ADIPOR2: variants seen among roughly 807,000 people sequenced by gnomAD.
The protein encoded by ADIPOR2 is adiponectin receptor 2, also known as adiponectin receptor protein 2.
Under a neutral mutation model 40.9 loss-of-function variants are expected in ADIPOR2, and 18 were observed. The observed-to-expected ratio is 0.44, with a 90% CI of 0.30 to 0.65. ADIPOR2 has a LOEUF of 0.65. ADIPOR2 is among the 30% of genes least tolerant of loss of function. ADIPOR2 has a pLI of 0.09. For synonymous variants in ADIPOR2, 165 were observed against 166.4 expected (o/e 0.99, Z 0.06); for missense variants, 283 against 479.2 (o/e 0.59, Z 3.82).
At chr12:1,738,340 A>T (rs994664370) in intron 1 of ADIPOR2, among the ~76,000 whole-genome samples, 6 of 152,080 alleles carry the variant, frequency 3.9e-5, no homozygotes, top group Non-Finnish European at 7.4e-5. Flanking sequence ...CTGTGATTGC[A>T]CTACTGTGCC....
chr12:1,754,090 T>C (rs1050052920), intron 1 of ADIPOR2, among the ~76,000 whole-genome samples, 168 bp from the exon 2 acceptor site: 5 of 152,216 alleles, frequency 3.3e-5, no homozygotes, highest in African/African-American at 1.2e-4. Context: ...GTTTTTCATT[T>C]AAAAAGAGAT....
chr12:1,691,941 A>G (rs2094628002), intron 1 of ADIPOR2, among the ~76,000 whole-genome samples: 1 of 152,190 alleles, frequency 6.6e-6, no homozygotes, highest in Non-Finnish European at 1.5e-5. Flanking sequence ...AGAAAGATTT[A>G]AATGCACAGT....
At chr12:1,739,185 TAAA>T (rs1001880322) in intron 1 of ADIPOR2, among the ~76,000 whole-genome samples, 2 of 152,184 alleles carry the variant, frequency 1.3e-5, no homozygotes, top group African/African-American at 4.8e-5. Flanking sequence ...GCTCTGAACA[TAAA>T]AAATGATGAA....
chr12:1,701,246 G>T (rs2094649723), intron 1 of ADIPOR2, among the ~76,000 whole-genome samples: 1 of 150,104 alleles, frequency 6.7e-6, no homozygotes, highest in Non-Finnish European at 1.5e-5. Context: ...TCCCACTTCA[G>T]CCTTCCAAGT....
intron 1 of ADIPOR2, among the ~76,000 whole-genome samples, chr12:1,700,358 A>G (rs2094647794): frequency 6.6e-6 from 1 of 152,180 alleles, no homozygotes; most frequent in African/African-American, 2.4e-5. Context: ...CCATGTATCC[A>G]TTCCTTTGGT....
At chr12:1,742,274 G>A (rs1016023766) in intron 1 of ADIPOR2, among the ~76,000 whole-genome samples, 3 of 152,148 alleles carry the variant, frequency 2.0e-5, no homozygotes, top group African/African-American at 7.2e-5. Context: ...TGCATTTTTT[G>A]TAGAGACGGA....
chr12:1,762,549 A>C lies in ADIPOR2; in HGVS notation c.171+8035A>C, dbSNP rs531216147. 6.6e-5 allele frequency among the ~76,000 whole-genome samples: 10 copies of C among 152,306 alleles called. No individual in the cohort carries two copies. In the South Asian group the frequency reaches 1.0e-3, roughly 16 times the overall value. On this transcript the variant is annotated intron_variant, in intron 2 of 7. Coordinates refer to ENST00000357103, the MANE Select transcript of ADIPOR2 (RefSeq NM_024551.3). ...GTAGTTTCTTTAAAGAGATGTACAA[A>C]AGGAGCACGTGGGGACGTATACTAT...
intron 2 of ADIPOR2, among the ~76,000 whole-genome samples, chr12:1,759,573 T>C (rs1862225519): frequency 6.6e-6 from 1 of 152,232 alleles, no homozygotes; most frequent in Admixed American, 6.5e-5. Context: ...CAGGTTTCTT[T>C]AAATCAATAA....
chr12:1,787,037 CT>C lies in ADIPOR2; in HGVS notation c.*969del, dbSNP rs1305945724. ...TGATTACTTCCTGGCATCCCGCTCA[CT>C]TTTATGGGAAGTCTTATTAGAGGGA... On this transcript the variant is annotated 3_prime_UTR_variant, in exon 8 of 8. Coordinates refer to ENST00000357103, the MANE Select transcript of ADIPOR2 (RefSeq NM_024551.3). 6.6e-6 allele frequency: 1 copy of C among 152,190 alleles called. No homozygotes were observed. Among genetic ancestry groups the C allele is most frequent in the Non-Finnish European group, 1.5e-5 (1 of 68,032 alleles). The allele number at this position is 152,190 out of a possible 1,614,324, so 9.4% of individuals were successfully genotyped here.
At position 1,754,483 on chromosome 12, in the gene ADIPOR2, A is replaced by C; in HGVS notation, c.140A>C (p.Glu47Ala). The change falls in exon 2 of 8, where the codon GAG (glutamate) becomes GCG (alanine). Residue 47 changes from glutamate to alanine, a missense_variant. Coordinates refer to ENST00000357103, the MANE Select transcript of ADIPOR2 (RefSeq NM_024551.3). Reference protein sequence around the residue: ...SHQGDLEPILEASVLSSHHKK... With the variant: ...SHQGDLEPILAASVLSSHHKK... The stretch of plus-strand genomic sequence containing the variant: ...CAAGGAGATTTGGAGCCCATTTTAG[A>C]GGCATCTGTTCTATCTTCCCATCAT... The C allele has an allele frequency of 6.2e-7, 1 of 1,612,750 alleles. No homozygotes were observed. The highest frequency in any genetic ancestry group is 8.5e-7 in the Non-Finnish European group (1 of 1,179,414).
At chr12:1,695,293 C>G (rs536367285) in intron 1 of ADIPOR2, among the ~76,000 whole-genome samples, 1 of 146,614 alleles carries the variant, frequency 6.8e-6, no homozygotes. Flanking sequence ...AGTTTGAGAC[C>G]AGTCTGGGCA....
At chr12:1,719,060 T>G (rs1179853423) in intron 1 of ADIPOR2, among the ~76,000 whole-genome samples, 1 of 152,220 alleles carries the variant, frequency 6.6e-6, no homozygotes, top group Non-Finnish European at 1.5e-5. Flanking sequence ...AATCTAGGTG[T>G]TGCTCCTTCT....
At chr12:1,691,667 A>C (rs1176227866) in intron 1 of ADIPOR2, among the ~76,000 whole-genome samples, 1 of 152,132 alleles carries the variant, frequency 6.6e-6, no homozygotes, top group Non-Finnish European at 1.5e-5. Flanking sequence ...TGGGGTGGGG[A>C]AGAGTTCCCT....
At chr12:1,695,562 C>A (rs1033874922) in intron 1 of ADIPOR2, among the ~76,000 whole-genome samples, 2 of 150,714 alleles carry the variant, frequency 1.3e-5, no homozygotes, top group Non-Finnish European at 2.9e-5. Flanking sequence ...ACTCAGGAGG[C>A]TGAGGCAGGA....
At chr12:1,719,001 A>G (rs897855115) in intron 1 of ADIPOR2, among the ~76,000 whole-genome samples, 1 of 152,212 alleles carries the variant, frequency 6.6e-6, no homozygotes, top group Non-Finnish European at 1.5e-5. Context: ...TCTTTGTGTT[A>G]TGGCAGTTAA....
At chr12:1,758,181 G>A (rs1862186343) in intron 2 of ADIPOR2, among the ~76,000 whole-genome samples, 2 of 152,110 alleles carry the variant, frequency 1.3e-5, no homozygotes, top group South Asian at 4.1e-4. Context: ...AATAATATTT[G>A]TGTTTTAATT....
At position 1,788,449 on chromosome 12, in the gene ADIPOR2, C is replaced by G. The variant is rs1394256304; in HGVS notation, c.*2377C>G. On this transcript the variant is annotated 3_prime_UTR_variant, in exon 8 of 8. Transcript: ENST00000357103. ...AGATTTTTAATTTTCTTTTTTGGCC[C>G]TAGGCTGGTTGGGACCTCTACAGCT... The G allele has an allele frequency of 6.6e-6, 1 of 152,598 alleles. No homozygotes were observed. The highest frequency in any genetic ancestry group is 1.9e-4 in the East Asian group (1 of 5,200). 9.5% of individuals were successfully genotyped at this position (152,598 alleles called of 1,614,324 possible).
intron 1 of ADIPOR2, among the ~76,000 whole-genome samples, chr12:1,712,735 C>G (rs1420348972): frequency 6.6e-6 from 1 of 152,072 alleles, no homozygotes; most frequent in African/African-American, 2.4e-5. Flanking sequence ...CTTGCTGTAT[C>G]CAGGGATCTG....
rs912610359 is a variant in ADIPOR2 at position 1,786,216 on chromosome 12, G to A, written c.*144G>A. ...CTTTGTGACGGCCCAGTGGCTCTGC[G>A]TGGTACATGACTGAGAAGAGAAAAA... On this transcript the variant is annotated 3_prime_UTR_variant, in exon 8 of 8. Transcript: ENST00000357103. 2.7e-5 allele frequency: 28 copies of A among 1,049,112 alleles called. No homozygotes were observed. The highest frequency in any genetic ancestry group is 5.6e-5 in the Admixed American group (2 of 35,400). The allele number at this position is 1,049,112 out of a possible 1,614,324, so 65.0% of individuals were successfully genotyped here. A position where few individuals can be genotyped will look rare whatever the true frequency, so the allele number is the denominator to read the frequency against.
Sources: gnomAD v4.1 joint callset for allele counts (sites outside exome capture counted in the v4.1 genomes callset) on GRCh38, gnomAD v4.1.1 for gene constraint, MANE v1.5 for transcripts, NCBI Gene and HGNC (gene_info 2026-07-23, HGNC 2026-07-21) for gene names.